The following YEATS4 variants were observed in gnomAD, a reference collection of about 807,000 sequenced individuals.
The protein encoded by YEATS4 is YEATS domain-containing protein 4.
YEATS4 carries 17 observed loss-of-function variants against 30.1 expected under a neutral mutation model. The observed-to-expected ratio is 0.56, with a 90% confidence interval of 0.39 to 0.85. The LOEUF (loss-of-function observed/expected upper bound fraction) is 0.85, where lower values mean the gene tolerates loss of function less well. YEATS4 is among the 40% of genes least tolerant of loss of function. The probability of loss-of-function intolerance (pLI) is 0.00; values close to 1 mark genes in which losing one functional copy is unlikely to be tolerated. For missense variants in YEATS4, 142 were observed against 268.3 expected (o/e 0.53, Z 3.29); for synonymous variants, 85 against 87.5 (o/e 0.97, Z 0.16).
the YEATS4 span, among the ~76,000 whole-genome samples, chr12:69,404,110 C>G: frequency 6.6e-6 from 1 of 152,134 alleles, no homozygotes; most frequent in Admixed American, 6.5e-5. Context: ...CTAATTGTCA[C>G]AAGTCTAGAT....
chr12:69,408,501 T>C, the YEATS4 span, among the ~76,000 whole-genome samples: 930 of 152,328 alleles, frequency 6.1e-3, 8 homozygotes, highest in African/African-American at 0.021. Flanking sequence ...TGTGTGTGCA[T>C]GCATGTGTTT....
downstream of YEATS4, among the ~76,000 whole-genome samples, chr12:69,395,344 C>T (rs528937157): frequency 6.6e-6 from 1 of 152,062 alleles, no homozygotes; most frequent in African/African-American, 2.4e-5. Flanking sequence ...AAATGTCTAT[C>T]AATAGAAGCT....
chr12:69,369,720 T>C, intron 4 of YEATS4, among the ~76,000 whole-genome samples: 1 of 152,376 alleles, frequency 6.6e-6, no homozygotes, highest in East Asian at 1.9e-4. Context: ...TAATTTGATA[T>C]GTAATTCATG....
chr12:69,366,087 T>C lies in YEATS4; in HGVS notation c.333+203T>C, dbSNP rs1013726393. ...TTTTTCAAGTATGGAAAAAAACATA[T>C]AATATGAACATGTATTGGAAAGAAA... is the stretch of plus-strand genomic sequence containing the variant. On this transcript the variant is annotated intron_variant, in intron 4 of 6. Coordinates refer to ENST00000247843, the MANE Select transcript of YEATS4 (RefSeq NM_006530.4). Among the ~76,000 whole-genome samples, 5 of 151,710 alleles carry C rather than the reference T, an allele frequency of 3.3e-5. No homozygotes were observed. The East Asian group carries it at 7.7e-4, about 24-fold the overall frequency.
the YEATS4 span, among the ~76,000 whole-genome samples, chr12:69,424,678 A>G: frequency 6.7e-3 from 1,023 of 152,002 alleles, 16 homozygotes; most frequent in African/African-American, 0.023. Flanking sequence ...ATGGCTTTAT[A>G]AGGAGCTCTT....
intron 6 of YEATS4, among the ~76,000 whole-genome samples, chr12:69,377,944 T>C (rs1205350474): frequency 6.6e-6 from 1 of 152,220 alleles, no homozygotes; most frequent in Non-Finnish European, 1.5e-5. Flanking sequence ...AAGTTGGATG[T>C]TGGCGATGCC....
chr12:69,386,274 A>G (rs941828191), intron 6 of YEATS4, among the ~76,000 whole-genome samples: 1 of 152,170 alleles, frequency 6.6e-6, no homozygotes, highest in African/African-American at 2.4e-5. Context: ...CAAACAACAA[A>G]TCTATGTTAT....
chr12:69,419,932 T>A, the YEATS4 span, among the ~76,000 whole-genome samples: 1 of 152,224 alleles, frequency 6.6e-6, no homozygotes, highest in African/African-American at 2.4e-5. Flanking sequence ...GTTAGGTAGG[T>A]GTCAAAAAGC....
the YEATS4 span, among the ~76,000 whole-genome samples, chr12:69,418,080 T>G: frequency 1.3e-5 from 2 of 152,180 alleles, no homozygotes; most frequent in South Asian, 4.1e-4. Context: ...TAGAGACAGA[T>G]TCTGGGGATT....
At chr12:69,381,224 C>T (rs1195623672) in intron 6 of YEATS4, among the ~76,000 whole-genome samples, 1 of 152,162 alleles carries the variant, frequency 6.6e-6, no homozygotes, top group Middle Eastern at 3.2e-3. Flanking sequence ...ATTTCAGAGG[C>T]TTACCCTCAG....
chr12:69,388,768 G>A (rs1052291400), intron 6 of YEATS4, among the ~76,000 whole-genome samples: 1 of 152,156 alleles, frequency 6.6e-6, no homozygotes, highest in South Asian at 2.1e-4. Context: ...GTACCAGGCA[G>A]TATTCTGGGT....
chr12:69,390,193 GAAA>G lies in YEATS4; in HGVS notation c.566_568del (p.Lys189del). 6.3e-7 allele frequency: 1 copy of G among 1,597,108 alleles called. No homozygotes were observed. Among genetic ancestry groups the G allele is most frequent in the Non-Finnish European group, 8.5e-7 (1 of 1,175,956 alleles). On this transcript the variant is annotated inframe_deletion, in exon 7 of 7. Transcript: ENST00000247843. ...CCAGAGAAAAATTAGAAGCTGCTAA[GAAA>G]AAAACAAGCTTTGAGATTGCAGAGC...
the YEATS4 span, among the ~76,000 whole-genome samples, chr12:69,419,567 G>A: frequency 2.0e-5 from 3 of 152,118 alleles, no homozygotes; most frequent in Non-Finnish European, 2.9e-5. Flanking sequence ...TCATTAGGTT[G>A]AATCAAGACA....
the YEATS4 span, among the ~76,000 whole-genome samples, chr12:69,421,747 C>A: frequency 6.6e-6 from 1 of 152,154 alleles, no homozygotes; most frequent in Non-Finnish European, 1.5e-5. Context: ...GACCACATGC[C>A]CCACCCAAAG....
intron 1 of YEATS4, among the ~76,000 whole-genome samples, chr12:69,361,934 C>A (rs1875225782): frequency 1.3e-5 from 2 of 151,056 alleles, no homozygotes; most frequent in African/African-American, 2.4e-5. Context: ...TTTATTGTAA[C>A]ATTTACATTT....
chr12:69,371,494 G>T (rs523278), intron 6 of YEATS4, among the ~76,000 whole-genome samples: 9,009 of 152,168 alleles, frequency 0.059, 392 homozygotes, highest in African/African-American at 0.12. Flanking sequence ...AATTCTGTAC[G>T]CATTAATCTG....
At chr12:69,385,908 C>G (rs1224095059) in intron 6 of YEATS4, among the ~76,000 whole-genome samples, 1 of 152,106 alleles carries the variant, frequency 6.6e-6, no homozygotes, top group East Asian at 1.9e-4. Flanking sequence ...TGATAACTTG[C>G]CCAAAATTAC....
the YEATS4 span, among the ~76,000 whole-genome samples, chr12:69,424,738 C>T: frequency 2.0e-5 from 3 of 152,126 alleles, no homozygotes; most frequent in Non-Finnish European, 4.4e-5. Flanking sequence ...GAAGGAGGTG[C>T]CTGCTTCCCC....
At chr12:69,364,157 A>G (rs1875338320) in intron 2 of YEATS4, 1 of 447,280 alleles carries the variant, frequency 2.2e-6, no homozygotes, top group Non-Finnish European at 4.5e-6. Flanking sequence ...CTGTGAATAT[A>G]ACTAAAAACC....
Sources: gnomAD v4.1 joint callset for allele counts (sites outside exome capture counted in the v4.1 genomes callset) on GRCh38, gnomAD v4.1.1 for gene constraint, MANE v1.5 for transcripts, NCBI Gene and HGNC (gene_info 2026-07-23, HGNC 2026-07-21) for gene names.